Variants in SCFD2 observed in about 807,000 individuals in gnomAD.
SCFD2 encodes the protein sec1 family domain containing 2.
A neutral mutation model predicts 58.9 loss-of-function variants in SCFD2; 54 were observed. That is an observed-to-expected ratio of 0.92 (90% CI 0.74 to 1.15). The LOEUF (loss-of-function observed/expected upper bound fraction) is 1.15. Among genes scored for constraint, SCFD2 ranks in the 50% most tolerant of loss-of-function variants. SCFD2 has a pLI of 0.00. For synonymous variants in SCFD2, 321 were observed against 335.9 expected, an observed-to-expected ratio of 0.96 and a Z score of 0.49; for missense variants, 805 against 836.6, an observed-to-expected ratio of 0.96 and a Z score of 0.47.
intron 5 of SCFD2, among the ~76,000 whole-genome samples, chr4:52,964,614 T>A (rs975043315): frequency 3.9e-5 from 6 of 152,138 alleles, no homozygotes; most frequent in African/African-American, 1.4e-4. Context: ...GGGTTTGCAA[T>A]GTCAAGACAA....
At chr4:53,312,753 A>T (rs1315942277) in intron 3 of SCFD2, among the ~76,000 whole-genome samples, 1 of 152,108 alleles carries the variant, frequency 6.6e-6, no homozygotes, top group Non-Finnish European at 1.5e-5. Flanking sequence ...GCAAAGAAAA[A>T]TTTTCCCATC....
intron 5 of SCFD2, among the ~76,000 whole-genome samples, chr4:53,140,640 AATATCTAAC>A (rs1267597536): frequency 1.3e-5 from 2 of 152,060 alleles, no homozygotes; most frequent in African/African-American, 4.8e-5. Context: ...AAGCATAGGC[AATATCTAAC>A]ATATTAACCA....
intron 5 of SCFD2, among the ~76,000 whole-genome samples, chr4:53,139,352 G>A (rs1277713465): frequency 6.7e-6 from 1 of 150,020 alleles, no homozygotes; most frequent in Non-Finnish European, 1.5e-5. Context: ...GATGTGAGGA[G>A]CCCCTCTGCC....
chr4:53,248,040 C>A (rs1028650327), intron 4 of SCFD2, among the ~76,000 whole-genome samples: 8 of 152,292 alleles, frequency 5.3e-5, no homozygotes, highest in African/African-American at 1.4e-4. Flanking sequence ...GAGTGCCAGA[C>A]AGTGGGCGCA....
intron 5 of SCFD2, among the ~76,000 whole-genome samples, chr4:53,000,156 G>A (rs573373331): frequency 1.3e-5 from 2 of 152,326 alleles, no homozygotes; most frequent in South Asian, 4.1e-4. Context: ...TGCTTTCACA[G>A]GGTACTGCCT....
chr4:53,175,949 A>G (rs988583742), intron 4 of SCFD2, among the ~76,000 whole-genome samples: 4 of 152,198 alleles, frequency 2.6e-5, no homozygotes, highest in Admixed American at 1.3e-4. Flanking sequence ...CTGTGAATTT[A>G]TAACTATTGA....
intron 5 of SCFD2, among the ~76,000 whole-genome samples, chr4:53,098,652 T>A (rs1198847081): frequency 6.6e-6 from 1 of 152,132 alleles, no homozygotes; most frequent in East Asian, 1.9e-4. Context: ...TTCCCCTAGA[T>A]AGCCACTTGG....
chr4:53,111,172 A>T (rs1725159349), intron 5 of SCFD2, among the ~76,000 whole-genome samples: 1 of 149,848 alleles, frequency 6.7e-6, no homozygotes, highest in Non-Finnish European at 1.5e-5. Context: ...AACATCATAC[A>T]CCGGGGCCTA....
intron 5 of SCFD2, among the ~76,000 whole-genome samples, chr4:52,960,389 A>T (rs1474792245): frequency 1.4e-5 from 2 of 143,664 alleles, no homozygotes; most frequent in African/African-American, 2.6e-5. Context: ...TTTTTTTGAG[A>T]CAGAGTTTCG....
At chr4:52,888,863 C>T (rs1251620030) in intron 7 of SCFD2, among the ~76,000 whole-genome samples, 1 of 152,204 alleles carries the variant, frequency 6.6e-6, no homozygotes. Flanking sequence ...GTCTTTTGCT[C>T]AGTCATCTCT....
intron 4 of SCFD2, among the ~76,000 whole-genome samples, chr4:53,230,933 T>C (rs1490824785): frequency 6.6e-6 from 1 of 152,134 alleles, no homozygotes; most frequent in African/African-American, 2.4e-5. Flanking sequence ...GTACACTGTA[T>C]TGTATGCTTC....
chr4:53,122,507 G>C (rs1469829878), intron 5 of SCFD2, among the ~76,000 whole-genome samples: 1 of 152,156 alleles, frequency 6.6e-6, no homozygotes, highest in Non-Finnish European at 1.5e-5. Context: ...GCCACTAAAT[G>C]GCACAGCTGT....
chr4:52,890,608 A>C (rs554675356), intron 7 of SCFD2, among the ~76,000 whole-genome samples: 1 of 152,352 alleles, frequency 6.6e-6, no homozygotes, highest in South Asian at 2.1e-4. Flanking sequence ...GAAAGACTGA[A>C]GCATAACTAC....
At chr4:53,345,343 A>T (rs1201346613) in intron 2 of SCFD2, among the ~76,000 whole-genome samples, 1 of 152,240 alleles carries the variant, frequency 6.6e-6, no homozygotes, top group Non-Finnish European at 1.5e-5. Flanking sequence ...GACACATGAA[A>T]AAATGTTCAT....
intron 5 of SCFD2, among the ~76,000 whole-genome samples, chr4:52,939,872 C>T (rs1056551760): frequency 6.6e-6 from 1 of 152,238 alleles, no homozygotes; most frequent in Non-Finnish European, 1.5e-5. Context: ...TATGTTTCAC[C>T]TTGGCACACA....
At chr4:53,279,396 G>C (rs535033329) in intron 3 of SCFD2, among the ~76,000 whole-genome samples, 1 of 152,260 alleles carries the variant, frequency 6.6e-6, no homozygotes, top group African/African-American at 2.4e-5. Flanking sequence ...GATTACAGGT[G>C]TGAGCCACCA....
At chr4:53,038,365 T>G (rs1244441139) in intron 5 of SCFD2, among the ~76,000 whole-genome samples, 2 of 152,164 alleles carry the variant, frequency 1.3e-5, no homozygotes, top group Non-Finnish European at 2.9e-5. Context: ...GAAATCACCT[T>G]TCTTTGGCCC....
At chr4:53,308,753 C>T (rs1451581647) in intron 3 of SCFD2, among the ~76,000 whole-genome samples, 1 of 152,106 alleles carries the variant, frequency 6.6e-6, no homozygotes, top group South Asian at 2.1e-4. Flanking sequence ...AAAGCCAATA[C>T]TGCTAAATGT....
chr4:53,028,269 T>C (rs1202652194), intron 5 of SCFD2, among the ~76,000 whole-genome samples: 1 of 151,942 alleles, frequency 6.6e-6, no homozygotes, highest in East Asian at 1.9e-4. Context: ...AATAAATAAA[T>C]AAAAGAGAAA....
Sources: gnomAD v4.1 joint callset for allele counts (sites outside exome capture counted in the v4.1 genomes callset) on GRCh38, gnomAD v4.1.1 for gene constraint, MANE v1.5 for transcripts, NCBI Gene and HGNC (gene_info 2026-07-23, HGNC 2026-07-21) for gene names.